The following NUP88 variants were observed in gnomAD, a reference collection of about 807,000 sequenced individuals.
The protein encoded by NUP88 is nuclear pore complex protein Nup88.
A neutral mutation model predicts 93.9 loss-of-function variants in NUP88; 57 were observed. The observed-to-expected ratio is 0.61, with a 90% confidence interval of 0.49 to 0.76. The LOEUF (loss-of-function observed/expected upper bound fraction) is 0.76, where lower values mean the gene tolerates loss of function less well. Ranked by LOEUF, NUP88 falls within the 30% of genes least tolerant of loss-of-function variation. The pLI is 0.00. For missense variants in NUP88, 911 were observed against 901.0 expected (o/e 1.01, Z -0.14); for synonymous variants, 346 against 336.8 (o/e 1.03, Z -0.30).
intron 1 of NUP88, 34 bp downstream of exon 1, chr17:5,419,320 G>C: frequency 6.6e-7 from 1 of 1,524,304 alleles, no homozygotes; most frequent in Non-Finnish European, 8.8e-7. Context: ...TCCGATCCCG[G>C]TGAGGGTCAC....
In NUP88 at chr17:5,414,011, G is replaced by C. The variant is rs1328652813; in HGVS notation, c.591C>G (p.Ile197Met). ...CAAGAGAGAGAAATAAAATTTACCT[G>C]ATTACGTTGTCTGATGTTAACAGCA... ...HVVLLTSDNV[I>M]RIYSLREPQT... Residue 197 changes from isoleucine to methionine, a missense_variant and splice_region_variant, in exon 3 of 17, where the codon ATC (isoleucine) becomes ATG (methionine). By Grantham distance (10) the Ile-to-Met change is conservative. Coordinates refer to ENST00000573584, the MANE Select transcript of NUP88 (RefSeq NM_002532.6). 17 of 1,613,318 alleles carry C rather than the reference G, an allele frequency of 1.1e-5. No individual in the cohort carries two copies. The highest frequency in any genetic ancestry group is 1.7e-5 in the Admixed American group (1 of 59,956).
intron 10 of NUP88, among the ~76,000 whole-genome samples, chr17:5,389,515 C>A (rs1192550041): frequency 6.6e-6 from 1 of 152,164 alleles, no homozygotes; most frequent in African/African-American, 2.4e-5. Context: ...TGGTGGCTCA[C>A]GCCTGTAATC....
intron 10 of NUP88, among the ~76,000 whole-genome samples, chr17:5,390,766 T>C (rs1912368142): frequency 6.6e-6 from 1 of 152,072 alleles, no homozygotes; most frequent in South Asian, 2.1e-4. Flanking sequence ...TGCAGTGGCA[T>C]GATCATGGTT....
At chr17:5,399,702 A>G in intron 7 of NUP88, 52 bp from the exon 8 acceptor site, 1 of 961,166 alleles carries the variant, frequency 1.0e-6, no homozygotes, top group East Asian at 2.6e-5. Context: ...TAACTAAAAA[A>G]ATTTACCTCA....
At chr17:5,397,954 G>C (rs9789004) in intron 8 of NUP88, among the ~76,000 whole-genome samples, 65,834 of 151,054 alleles carry the variant, frequency 0.44, 14,977 homozygotes, top group East Asian at 0.83. Context: ...CCAGGCTGGA[G>C]TGCAGTGGTG....
chr17:5,392,237 T>C (rs1392770885), intron 9 of NUP88, among the ~76,000 whole-genome samples: 1 of 152,238 alleles, frequency 6.6e-6, no homozygotes, highest in Non-Finnish European at 1.5e-5. Flanking sequence ...CCCCCGAATG[T>C]GGATGCCGCC....
chr17:5,416,305 G>A (rs2151649491), intron 2 of NUP88, among the ~76,000 whole-genome samples: 1 of 151,872 alleles, frequency 6.6e-6, no homozygotes, highest in South Asian at 2.1e-4. Context: ...AGCCTCAAAT[G>A]AGACAGCAAC....
chr17:5,416,188 T>TACACACACACACACACACAC (rs149950508), intron 2 of NUP88, among the ~76,000 whole-genome samples: 3 of 126,194 alleles, frequency 2.4e-5, no homozygotes, highest in African/African-American at 9.0e-5. Flanking sequence ...TATACACACA[T>TACACACACACACACACACAC]ACACACACAC....
In NUP88 at chr17:5,416,698, A is replaced by G. The variant is rs925663635; in HGVS notation, c.298-16T>C. 2.5e-6 allele frequency: 4 copies of G among 1,593,418 alleles called. No individual in the cohort carries two copies. In the African/African-American group the frequency reaches 5.4e-5, roughly 22 times the overall value. On this transcript the variant is annotated splice_polypyrimidine_tract_variant and intron_variant, in intron 1 of 16. Transcript: ENST00000573584. ...AAAGCAATCTCTGAAAATTAGAGCA[A>G]ACCAGTCAACATAGTTAATTTTAAT... is the stretch of plus-strand genomic sequence containing the variant.
chr17:5,399,780 C>A, intron 7 of NUP88, 130 bp from the exon 8 acceptor site: 1 of 496,778 alleles, frequency 2.0e-6, no homozygotes, highest in Non-Finnish European at 3.6e-6. Context: ...AAAAGACTTT[C>A]ATATTGTTAG....
chr17:5,401,306 C>G (rs1183714623), intron 7 of NUP88, among the ~76,000 whole-genome samples: 1 of 152,076 alleles, frequency 6.6e-6, no homozygotes, highest in African/African-American at 2.4e-5. Flanking sequence ...TCGCTCGAAC[C>G]TGGGAGGTGG....
chr17:5,395,253 G>C (rs1013281405), intron 8 of NUP88, among the ~76,000 whole-genome samples: 5 of 152,082 alleles, frequency 3.3e-5, no homozygotes, highest in Non-Finnish European at 7.4e-5. Context: ...TACCCACACT[G>C]ATTTTATTTT....
Position 5,386,125 on chromosome 17 carries a change from T to TA in NUP88, c.*80dup. On this transcript the variant is annotated 3_prime_UTR_variant, in exon 17 of 17. Coordinates refer to ENST00000573584, the MANE Select transcript of NUP88 (RefSeq NM_002532.6). ...GTCATCAAAACACCTTTTTATAAAT[T>TA]AGATAATTCTACCTGTTTTACAATA... The TA allele has an allele frequency of 9.7e-7, 1 of 1,032,758 alleles. No homozygotes were observed. Among genetic ancestry groups the TA allele is most frequent in the Non-Finnish European group, 1.4e-6 (1 of 695,574 alleles). The allele number at this position is 1,032,758 out of a possible 1,614,324, so 64.0% of individuals were successfully genotyped here.
chr17:5,409,245 G>A (rs1224781917), intron 4 of NUP88, among the ~76,000 whole-genome samples: 3 of 151,930 alleles, frequency 2.0e-5, no homozygotes, highest in Non-Finnish European at 2.9e-5. Context: ...GTGGTGGCAG[G>A]TGCCTGTAGT....
In NUP88 at chr17:5,401,390, AAC is replaced by A. The variant is rs1491283211; in HGVS notation, c.1193-1742_1193-1741del. On this transcript the variant is annotated intron_variant, in intron 7 of 16. Coordinates refer to ENST00000573584, the MANE Select transcript of NUP88 (RefSeq NM_002532.6). ...AGAGCGAAACTCCGTCTCAAAAAAA[AAC>A]ACAAAATAATAATGTTATTAAACTA... Among the ~76,000 whole-genome samples the A allele has an allele frequency of 6.2e-5, 8 of 128,866 alleles. No homozygotes were observed. The East Asian group carries it at 2.5e-3, about 40-fold the overall frequency. The allele number at this position is 128,866 out of a possible 152,430, so 84.5% of individuals were successfully genotyped here.
chr17:5,416,196 C>CACACACACACACAT (rs1339633691), intron 2 of NUP88, among the ~76,000 whole-genome samples: 12 of 136,286 alleles, frequency 8.8e-5, no homozygotes, highest in Non-Finnish European at 6.4e-5. Flanking sequence ...CATACACACA[C>CACACACACACACAT]ACACACACAC....
chr17:5,387,253 A>C, intron 14 of NUP88, 133 bp downstream of exon 14: 8 of 1,240,646 alleles, frequency 6.4e-6, no homozygotes, highest in Admixed American at 1.9e-5. Context: ...TGTTTTCCCC[A>C]ACATATACTT....
Position 5,416,625 on chromosome 17 carries a change from T to C in NUP88, c.355A>G (p.Thr119Ala), listed in dbSNP as rs779881076. ...CCTATAAGTGCTACATGATGTTGTG[T>C]TGGGCTTAACAAGACTTGATAGATT... ...FEIYQVLLSP[T>A]QHHVALIGIK... Residue 119 changes from threonine to alanine, a missense_variant, in exon 2 of 17, where the codon ACA (threonine) becomes GCA (alanine). Coordinates refer to ENST00000573584, the MANE Select transcript of NUP88 (RefSeq NM_002532.6). The C allele has an allele frequency of 1.2e-5, 20 of 1,612,606 alleles. No homozygotes were observed. Among genetic ancestry groups the C allele is most frequent in the East Asian group, 2.2e-5 (1 of 44,802 alleles).
chr17:5,391,494 G>A, intron 10 of NUP88, 67 bp downstream of exon 10: 1 of 1,293,460 alleles, frequency 7.7e-7, no homozygotes, highest in South Asian at 1.2e-5. Context: ...GTTACTGAGT[G>A]CATTTTCCCA....
Sources: gnomAD v4.1 joint callset for allele counts (sites outside exome capture counted in the v4.1 genomes callset) on GRCh38, gnomAD v4.1.1 for gene constraint, MANE v1.5 for transcripts, NCBI Gene and HGNC (gene_info 2026-07-23, HGNC 2026-07-21) for gene names.